UBA7: variants seen among roughly 807,000 people sequenced by gnomAD.
UBA7 encodes ubiquitin like modifier activating enzyme 7.
UBA7 carries 88 observed loss-of-function variants against 113.0 expected under a neutral mutation model. The observed-to-expected ratio is 0.78, with a 90% CI of 0.66 to 0.93. The LOEUF (loss-of-function observed/expected upper bound fraction) is 0.93, where lower values mean the gene tolerates loss of function less well. UBA7 is among the 40% of genes least tolerant of loss of function. UBA7 has a pLI of 0.00. For synonymous variants in UBA7, 459 were observed against 513.0 expected, an observed-to-expected ratio of 0.89 and a Z score of 1.42; for missense variants, 1,092 against 1,266.4, an observed-to-expected ratio of 0.86 and a Z score of 2.09.
At position 49,805,347 on chromosome 3, in the gene UBA7, G is replaced by A. The variant is rs556819534; in HGVS notation, c.3000C>T (p.Asp1000=). The change falls in exon 24 of 24, where the codon GAC becomes GAT. Residue 1000 remains aspartate, a synonymous_variant. Coordinates refer to ENST00000333486, the MANE Select transcript of UBA7 (RefSeq NM_003335.3). ...LVLELSCEGD[D]EDTAFPPLHY... is the part of the protein sequence containing the mutation. ...GCAGAGGTGGGAAGGCAGTGTCCTC[G>A]TCGTCACCCTCACAGCTCAGCTCTA... is the stretch of plus-strand genomic sequence containing the variant. The A allele has an allele frequency of 1.9e-5, 31 of 1,613,912 alleles. No homozygotes were observed. Among genetic ancestry groups the A allele is most frequent in the Non-Finnish European group, 2.5e-5 (29 of 1,180,000 alleles).
At chr3:49,812,762 C>T in intron 4 of UBA7, 24 bp from the exon 5 acceptor site, 2 of 1,612,978 alleles carry the variant, frequency 1.2e-6, no homozygotes, top group Admixed American at 1.7e-5. Flanking sequence ...GTAGGGGTCA[C>T]TGAGGTGGCT....
chr3:49,809,937 G>A, intron 14 of UBA7, 41 bp downstream of exon 14: 1 of 1,614,132 alleles, frequency 6.2e-7, no homozygotes, highest in Non-Finnish European at 8.5e-7. Flanking sequence ...GCAGCTGAGG[G>A]CTGAGCTGGG....
At chr3:49,806,229 C>G (rs1170066310) in intron 21 of UBA7, 64 bp from the exon 22 acceptor site, 8 of 1,432,656 alleles carry the variant, frequency 5.6e-6, no homozygotes, top group Non-Finnish European at 7.7e-6. Context: ...TCCCAGTTAC[C>G]AGCAGCCTTT....
chr3:49,812,915 G>GAACCA, intron 4 of UBA7, 147 bp downstream of exon 4: 1 of 1,155,526 alleles, frequency 8.7e-7, no homozygotes, highest in Non-Finnish European at 1.2e-6. Flanking sequence ...GGAACCAGAG[G>GAACCA]GCAGGACTGG....
rs1311624691 is a variant in UBA7, at chr3:49,807,362, C to T, written c.2715+374G>A. On this transcript the variant is annotated intron_variant, in intron 21 of 23. Coordinates refer to ENST00000333486, the MANE Select transcript of UBA7 (RefSeq NM_003335.3). This position sits in a 1 kb window ranked among gnomAD's most constrained non-coding sequence, Gnocchi z 4.0. ...GCTTGTAGGAGGTAGGCCAGGGCCC[C>T]CGTACCATGCAGGGGGAAGCTAGAC... Among the ~76,000 whole-genome samples, 1 of 152,198 alleles carries T rather than the reference C, an allele frequency of 6.6e-6. No individual in the cohort carries two copies. The highest frequency in any genetic ancestry group is 1.5e-5 in the Non-Finnish European group (1 of 68,026).
Position 49,812,444 on chromosome 3 carries a change from G to A in UBA7, c.658C>T (p.Leu220Phe). The stretch of plus-strand genomic sequence containing the variant: ...ATAGACCGGGGATCACAGTCGTTGA[G>A]CTCAACCATTCCCTCAATTCCCGAG... ...TFSGIEGMVE[L>F]NDCDPRSIHV... The change falls in exon 6 of 24, where the codon CTC becomes TTC. Residue 220 changes from leucine (L) to phenylalanine (F), a missense_variant. Coordinates refer to ENST00000333486, the MANE Select transcript of UBA7 (RefSeq NM_003335.3). The A allele has an allele frequency of 6.2e-7, 1 of 1,614,228 alleles. No homozygotes were observed. The highest frequency in any genetic ancestry group is 8.5e-7 in the Non-Finnish European group (1 of 1,180,034).
chr3:49,808,981 T>C lies in UBA7; in HGVS notation c.2342A>G (p.Glu781Gly). 1.9e-6 allele frequency: 3 copies of C among 1,613,124 alleles called. No homozygotes were observed. In the South Asian group the frequency reaches 3.3e-5, roughly 18 times the overall value. Residue 781 changes from glutamate (E) to glycine (G), a missense_variant, in exon 18 of 24, where the codon GAG becomes GGG. Coordinates refer to ENST00000333486, the MANE Select transcript of UBA7 (RefSeq NM_003335.3). Reference protein sequence around the residue: ...SNLELASASAEFGPEQQKELN... With the variant: ...SNLELASASAGFGPEQQKELN... The stretch of plus-strand genomic sequence containing the variant: ...GCCAGGGCCAGGAGCCTCACCAAAC[T>C]CAGCAGAAGCCGAAGCCAGCTCTAG...
In UBA7 at chr3:49,813,582, T is replaced by C. The variant is rs1160383410; in HGVS notation, c.122A>G (p.Gln41Arg). Reference sequence around the variant, plus strand: ...CTTGGCCACCTCGGCCCCCAGGCCCTGCAGGCCTGACACCAGGACCCTGGC... The same window carrying C: ...CTTGGCCACCTCGGCCCCCAGGCCCCGCAGGCCTGACACCAGGACCCTGGC... ...QGARVLVSGLQGLGAEVAKNL... is the reference protein window; with the variant it reads ...QGARVLVSGLRGLGAEVAKNL... Residue 41 changes from glutamine to arginine, a missense_variant, in exon 2 of 24, where the codon CAG becomes CGG. Physicochemically the swap from Gln to Arg is conservative, Grantham distance 43. Coordinates refer to ENST00000333486, the MANE Select transcript of UBA7 (RefSeq NM_003335.3). 2 of 1,614,148 alleles carry C rather than the reference T, an allele frequency of 1.2e-6. No homozygotes were observed. The highest frequency in any genetic ancestry group is 1.7e-6 in the Non-Finnish European group (2 of 1,180,046).
At position 49,805,280 on chromosome 3, in the gene UBA7, T is replaced by G. The variant is rs1310386155; in HGVS notation, c.*28A>C. ...CAGGGCTTGGGATCCGGGGCTCCAT[T>G]GAGCTAGGTGACAGGGTGGCTGCCT... On this transcript the variant is annotated 3_prime_UTR_variant, in exon 24 of 24. Transcript: ENST00000333486. 1.2e-6 allele frequency: 2 copies of G among 1,607,678 alleles called. No homozygotes were observed. Among genetic ancestry groups the G allele is most frequent in the Non-Finnish European group, 1.7e-6 (2 of 1,175,118 alleles).
In UBA7 at chr3:49,810,486, T is replaced by C. The variant is rs749295334; in HGVS notation, c.1467+31A>G. On this transcript the variant is annotated intron_variant, in intron 12 of 23. Coordinates refer to ENST00000333486, the MANE Select transcript of UBA7 (RefSeq NM_003335.3). The surrounding 1 kb of genome is among the most constrained non-coding windows in gnomAD (Gnocchi z 5.6). ...AGCTGTATGGGAGGACGGTCTGGGA[T>C]GCAGGAGTGTGGAGAGGGGTCAGCA... is the stretch of plus-strand genomic sequence containing the variant. The C allele has an allele frequency of 1.2e-6, 2 of 1,613,976 alleles. No homozygotes were observed. Among genetic ancestry groups the C allele is most frequent in the Admixed American group, 3.3e-5 (2 of 60,000 alleles).
chr3:49,809,733 G>T lies in UBA7; in HGVS notation c.1905-8C>A, dbSNP rs1181967364. 1 of 1,614,144 alleles carries T rather than the reference G, an allele frequency of 6.2e-7. No homozygotes were observed. The highest frequency in any genetic ancestry group is 2.2e-5 in the East Asian group (1 of 44,894). Reference sequence around the variant, plus strand: ...GCCAGGGAAGTGTGTGCCCTGCAGAGAGAGGAGGAAGTGTGAGACTGAGTC... The same window carrying T: ...GCCAGGGAAGTGTGTGCCCTGCAGATAGAGGAGGAAGTGTGAGACTGAGTC... On this transcript the variant is annotated splice_polypyrimidine_tract_variant and splice_region_variant and intron_variant, in intron 15 of 23. Coordinates refer to ENST00000333486, the MANE Select transcript of UBA7 (RefSeq NM_003335.3).
In UBA7 at chr3:49,809,648, A is replaced by G; in HGVS notation, c.1982T>C (p.Val661Ala). 2.5e-6 allele frequency: 4 copies of G among 1,613,938 alleles called. No individual in the cohort carries two copies. Among genetic ancestry groups the G allele is most frequent in the Non-Finnish European group, 3.4e-6 (4 of 1,180,022 alleles). ...LLKPVLGVLR[V>A]RPQNWQDCVA... Reference sequence around the variant, plus strand: ...ACAGTCTTGCCAGTTCTGTGGACGCACTCTCAGGACCCCAAGCACTGGCTT... The same window carrying G: ...ACAGTCTTGCCAGTTCTGTGGACGCGCTCTCAGGACCCCAAGCACTGGCTT... Residue 661 changes from valine to alanine, a missense_variant, in exon 16 of 24, where the codon GTG becomes GCG. This residue lies in a region of UBA7 where 500 missense variants were observed against 529.3 expected (regional missense o/e 0.94). Transcript: ENST00000333486.
chr3:49,806,155 A>G lies in UBA7; in HGVS notation c.2726T>C (p.Leu909Pro). 6.3e-7 allele frequency: 1 copy of G among 1,598,670 alleles called. No homozygotes were observed. Among genetic ancestry groups the G allele is most frequent in the Non-Finnish European group, 8.5e-7 (1 of 1,173,190 alleles). Reference sequence around the variant, plus strand: ...CAGACGGTCCCAAGAGGTCCACTTCAGGTGATGGAACTGGGATGAGGTAGA... The same window carrying G: ...CAGACGGTCCCAAGAGGTCCACTTCGGGTGATGGAACTGGGATGAGGTAGA... ...FAPAIQTFHH[L>P]KWTSWDRLKV... is the part of the protein sequence containing the mutation. The change falls in exon 22 of 24, where the codon CTG (leucine) becomes CCG (proline). Residue 909 changes from leucine to proline, a missense_variant. Physicochemically the swap from Leu to Pro is moderately conservative, Grantham distance 98. Transcript: ENST00000333486.
In UBA7 at chr3:49,810,433, G is replaced by A. The variant is rs1274309854; in HGVS notation, c.1468-5C>T. 19 of 1,613,994 alleles carry A rather than the reference G, an allele frequency of 1.2e-5. No individual in the cohort carries two copies. Among genetic ancestry groups the A allele is most frequent in the Non-Finnish European group, 1.6e-5 (19 of 1,179,998 alleles). On this transcript the variant is annotated splice_polypyrimidine_tract_variant and splice_region_variant and intron_variant, in intron 12 of 23. Transcript: ENST00000333486. This position sits in a 1 kb window ranked among gnomAD's most constrained non-coding sequence, Gnocchi z 5.6. ...AGCCACCTCTGCCTTGGGTCTCTGG[G>A]AAGAAGGCAGGAAGATGTTGGGTGG...
chr3:49,813,036 T>G (rs375902482), intron 4 of UBA7, 26 bp downstream of exon 4: 1 of 1,605,608 alleles, frequency 6.2e-7, no homozygotes, highest in Non-Finnish European at 8.5e-7. Flanking sequence ...TGTAATATGG[T>G]AGGCTGGGCA....
chr3:49,812,212 G>A lies in UBA7; in HGVS notation c.695-6C>T. On this transcript the variant is annotated splice_region_variant and splice_polypyrimidine_tract_variant and intron_variant, in intron 6 of 23. Transcript: ENST00000333486. ...AATCTCCAGGGACCCATCCTCTGAG[G>A]GAGTTCCAGTCTAGTCAGTAATGAT... 6.2e-7 allele frequency: 1 copy of A among 1,614,130 alleles called. No homozygotes were observed. The highest frequency in any genetic ancestry group is 1.1e-5 in the South Asian group (1 of 91,080).
At chr3:49,811,484 G>A in intron 8 of UBA7, 29 bp from the exon 9 acceptor site, 1 of 1,553,750 alleles carries the variant, frequency 6.4e-7, no homozygotes, top group Admixed American at 2.0e-5. Context: ...GGGCATAGTA[G>A]CCCCAGCCTG....
chr3:49,812,658 T>G lies in UBA7; in HGVS notation c.548A>C (p.His183Pro), dbSNP rs1202886799. ...CAGCTCAGCACCCACCTGGGAGATGTGCTGGATGGCAGCTGTCAGGGGTTC... is the reference window on the plus strand; with the variant it reads ...CAGCTCAGCACCCACCTGGGAGATGGGCTGGATGGCAGCTGTCAGGGGTTC... ...EAEPLTAAIQ[H>P]ISQGSPGILT... Residue 183 changes from histidine to proline, a missense_variant, in exon 5 of 24, where the codon CAC becomes CCC. By Grantham distance (77) the His-to-Pro change is moderately conservative. Coordinates refer to ENST00000333486, the MANE Select transcript of UBA7 (RefSeq NM_003335.3). The G allele has an allele frequency of 1.2e-6, 2 of 1,614,190 alleles. No individual in the cohort carries two copies. The highest frequency in any genetic ancestry group is 1.7e-5 in the Admixed American group (1 of 60,028).
rs2108301774 is a variant in UBA7 at position 49,812,110 on chromosome 3, T to C, written c.791A>G (p.His264Arg). 6.2e-7 allele frequency: 1 copy of C among 1,614,188 alleles called. No homozygotes were observed. The highest frequency in any genetic ancestry group is 8.5e-7 in the Non-Finnish European group (1 of 1,180,018). Residue 264 changes from histidine (H) to arginine (R), a missense_variant and splice_region_variant, in exon 7 of 24, where the codon CAT (histidine) becomes CGT (arginine). By Grantham distance (29) the His-to-Arg change is conservative. Around this residue, in one of 3 missense-constraint regions of UBA7, gnomAD observed 584 missense variants for 714.5 expected, o/e 0.82. Transcript: ENST00000333486. ...TEVKRPKTVR[H>R]KSLDTALLQP... is the part of the protein sequence containing the mutation. ...TACCTCAGATGCACTTGCACTCACA[T>C]GTCTCACAGTCTTGGGTCTCTTGAC...
Sources: allele counts gnomAD v4.1 joint callset (sites outside exome capture counted in the v4.1 genomes callset), GRCh38; gene constraint gnomAD v4.1.1; regional missense constraint gnomAD v4.1.1; non-coding constraint Gnocchi (gnomAD v3.1); transcripts MANE v1.5; gene names NCBI Gene and HGNC (gene_info 2026-07-23, HGNC 2026-07-21).